GALK2: variants seen among roughly 807,000 people sequenced by gnomAD.
GALK2 encodes galactokinase 2.
In GALK2, 36 loss-of-function variants were observed where a neutral mutation model predicts 52.4. The ratio of observed to expected loss-of-function variants is 0.69; its 90% CI spans 0.53 to 0.91. The LOEUF is 0.91. GALK2 is among the 40% of genes least tolerant of loss of function. The probability of loss-of-function intolerance (pLI) is 0.00; values close to 1 mark genes in which losing one functional copy is unlikely to be tolerated. For missense variants in GALK2, 579 were observed against 559.1 expected (o/e 1.04, Z -0.36); for synonymous variants, 176 against 199.1 (o/e 0.88, Z 0.98).
At chr15:49,332,837 G>T (rs528197984), downstream of GALK2, among the ~76,000 whole-genome samples, 1 of 152,292 alleles carries the variant, frequency 6.6e-6, no homozygotes, top group Admixed American at 6.5e-5. Context: ...GTGCACCCCT[G>T]AAGGCAGAGT....
At chr15:49,289,666 G>T (rs1303390932) in intron 7 of GALK2, among the ~76,000 whole-genome samples, 3 of 152,148 alleles carry the variant, frequency 2.0e-5, no homozygotes, top group Non-Finnish European at 4.4e-5. Flanking sequence ...GAGAACCTGT[G>T]ATTTGAAGCT....
intron 5 of GALK2, among the ~76,000 whole-genome samples, chr15:49,264,855 C>T (rs1478934516): frequency 6.6e-6 from 1 of 152,218 alleles, no homozygotes; most frequent in Non-Finnish European, 1.5e-5. Flanking sequence ...CCCTGTTTGC[C>T]TGGGTACCAG....
At chr15:49,245,510 G>T (rs1233427855) in intron 5 of GALK2, among the ~76,000 whole-genome samples, 1 of 152,146 alleles carries the variant, frequency 6.6e-6, no homozygotes, top group Admixed American at 6.5e-5. Context: ...ACACCTGGGG[G>T]AACCTGAAAG....
intron 3 of GALK2, among the ~76,000 whole-genome samples, chr15:49,219,276 T>C (rs12438579): frequency 0.011 from 1,691 of 152,278 alleles, 61 homozygotes; most frequent in East Asian, 0.11. Context: ...CTTGTGATAA[T>C]GAATAAGTCT....
chr15:49,162,094 A>G (rs1178991327), intron 1 of GALK2, among the ~76,000 whole-genome samples: 1 of 152,184 alleles, frequency 6.6e-6, no homozygotes, highest in Non-Finnish European at 1.5e-5. Context: ...TAATGAACAT[A>G]TTATCACTGC....
In GALK2 at chr15:49,330,556, G is replaced by C. The variant is rs1007812907; in HGVS notation, c.*2397G>C. The C allele has an allele frequency of 1.3e-5, 2 of 152,088 alleles. No individual in the cohort carries two copies. The highest frequency in any genetic ancestry group is 2.4e-5 in the African/African-American group (1 of 41,408). The allele number at this position is 152,088 out of a possible 1,614,324, so 9.4% of individuals were successfully genotyped here. ...GATAGTAGCTGCCTTGTTAGATGAG[G>C]CATGGCTATCCAGTGCGCTACAGTT... On this transcript the variant is annotated 3_prime_UTR_variant, in exon 10 of 10. Transcript: ENST00000560031.
chr15:49,278,754 A>T (rs2032267512), intron 5 of GALK2, among the ~76,000 whole-genome samples: 1 of 152,230 alleles, frequency 6.6e-6, no homozygotes, highest in African/African-American at 2.4e-5. Flanking sequence ...CAGTTTCCTA[A>T]TCTGTAAGCC....
intron 3 of GALK2, among the ~76,000 whole-genome samples, chr15:49,234,094 C>T (rs2090656254): frequency 6.6e-6 from 1 of 152,126 alleles, no homozygotes; most frequent in South Asian, 2.1e-4. Context: ...GATATTTAGT[C>T]AGTTATATTA....
At chr15:49,157,783 T>C (rs747482177) in intron 1 of GALK2, among the ~76,000 whole-genome samples, 6 of 152,194 alleles carry the variant, frequency 3.9e-5, no homozygotes, top group Non-Finnish European at 8.8e-5. Flanking sequence ...AGCAAACTTA[T>C]TAGCACGGCA....
intron 1 of GALK2, among the ~76,000 whole-genome samples, chr15:49,181,681 T>C (rs1396293702): frequency 6.6e-6 from 1 of 151,722 alleles, no homozygotes; most frequent in African/African-American, 2.4e-5. Context: ...CTGGCTAATT[T>C]TTGTATTTAA....
intron 1 of GALK2, among the ~76,000 whole-genome samples, chr15:49,193,656 G>A (rs2086952874): frequency 6.6e-6 from 1 of 151,842 alleles, no homozygotes; most frequent in South Asian, 2.1e-4. Context: ...TATGGTGTAA[G>A]ATATGGATCT....
chr15:49,322,614 G>GTA (rs2036970365), intron 9 of GALK2, among the ~76,000 whole-genome samples: 1 of 152,090 alleles, frequency 6.6e-6, no homozygotes, highest in Non-Finnish European at 1.5e-5. Flanking sequence ...TTTCACATGG[G>GTA]TATCTTTGTA....
chr15:49,256,545 C>T (rs1488707879), intron 5 of GALK2, among the ~76,000 whole-genome samples: 2 of 152,142 alleles, frequency 1.3e-5, no homozygotes, highest in Non-Finnish European at 2.9e-5. Context: ...CAGTCCTTTC[C>T]TCATCTATAG....
Position 49,182,746 on chromosome 15 carries a change from G to A in GALK2, c.53+12371G>A, listed in dbSNP as rs776346896. 2.9e-4 allele frequency among the ~76,000 whole-genome samples: 44 copies of A among 152,066 alleles called. 2 individuals carry two copies. The highest frequency in any genetic ancestry group is 5.6e-4 in the Non-Finnish European group (38 of 68,008). ...TTGCATTTCTCTGACTATCAGTGAT[G>A]TTAATCACTTTTTCATATACCTGTT... is the stretch of plus-strand genomic sequence containing the variant. On this transcript the variant is annotated intron_variant, in intron 1 of 9. Coordinates refer to ENST00000560031, the MANE Select transcript of GALK2 (RefSeq NM_002044.4).
chr15:49,268,528 GT>G (rs750891772), intron 5 of GALK2, among the ~76,000 whole-genome samples: 2 of 152,222 alleles, frequency 1.3e-5, no homozygotes, highest in Non-Finnish European at 2.9e-5. Context: ...AAGAGAGAAA[GT>G]GAGCAGAGCT....
chr15:49,170,692 CTCTT>C (rs2085016401), intron 1 of GALK2: 4 of 270,356 alleles, frequency 1.5e-5, no homozygotes, highest in East Asian at 6.9e-5. Context: ...CTGAACTCCT[CTCTT>C]TGTCTCGCAT....
At chr15:49,281,288 C>T (rs1368101567) in intron 5 of GALK2, among the ~76,000 whole-genome samples, 1 of 152,226 alleles carries the variant, frequency 6.6e-6, no homozygotes, top group African/African-American at 2.4e-5. Flanking sequence ...AGAGACAAAT[C>T]TAACTGGATA....
At chr15:49,332,087 CCA>C (rs377139081), downstream of GALK2, among the ~76,000 whole-genome samples, 49,674 of 127,546 alleles carry the variant, frequency 0.39, 8,640 homozygotes, top group Admixed American at 0.46. Flanking sequence ...TGCACACGTG[CCA>C]CACACACACA....
chr15:49,291,025 C>T (rs940862517), intron 7 of GALK2, among the ~76,000 whole-genome samples: 5 of 152,196 alleles, frequency 3.3e-5, no homozygotes, highest in East Asian at 1.9e-4. Flanking sequence ...GCATGACTTC[C>T]GCTCACTGCA....
Sources: allele counts gnomAD v4.1 joint callset (sites outside exome capture counted in the v4.1 genomes callset), GRCh38; gene constraint gnomAD v4.1.1; transcripts MANE v1.5; gene names NCBI Gene and HGNC (gene_info 2026-07-23, HGNC 2026-07-21).